PRH1: variants seen among roughly 807,000 people sequenced by gnomAD.
PRH1 encodes salivary acidic proline-rich phosphoprotein 1/2.
A neutral mutation model predicts 7.9 loss-of-function variants in PRH1; 7 were observed. The observed-to-expected ratio is 0.89, with a 90% CI of 0.50 to 1.67. The LOEUF is 1.67. Ranked by LOEUF, PRH1 falls within the 40% of genes most tolerant of loss-of-function variation. PRH1 has a pLI of 0.00. For missense variants in PRH1, 109 were observed against 223.6 expected (o/e 0.49, Z 3.27); for synonymous variants, 45 against 80.8 (o/e 0.56, Z 2.38).
At chr12:11,120,698 G>A (rs1945873491), downstream of PRH1, 1 of 152,004 alleles carries the variant, frequency 6.6e-6, no homozygotes, top group Non-Finnish European at 1.5e-5. Flanking sequence ...AGTATCTGTG[G>A]GAGGTTTGGT....
chr12:11,136,749 G>T (rs145193774), intron 1 of PRH1, among the ~76,000 whole-genome samples: 19 of 151,750 alleles, frequency 1.3e-4, no homozygotes, highest in African/African-American at 4.6e-4. Flanking sequence ...CTCTTTATTG[G>T]CCAGGCAGGG....
At chr12:11,136,401 T>C (rs1268326617) in intron 1 of PRH1, among the ~76,000 whole-genome samples, 1 of 152,226 alleles carries the variant, frequency 6.6e-6, no homozygotes, top group Non-Finnish European at 1.5e-5. Flanking sequence ...GGTCTGCTTC[T>C]TTTTTGAAGT....
rs79215979 is a variant in PRH1, at chr12:11,073,283, T to G, written n.124-26095A>C. On this transcript the variant is annotated intron_variant and non_coding_transcript_variant, in intron 1 of 4. Transcript: ENST00000541977. ...ACTAGCTGTATTTACAGCCATGTGC[T>G]ACCATGCCTGGCAATTTTTTTTTTT... 1.2e-4 allele frequency among the ~76,000 whole-genome samples: 11 copies of G among 93,538 alleles called. 2 individuals carry two copies. Among genetic ancestry groups the G allele is most frequent in the Non-Finnish European group, 5.0e-5 (2 of 39,794 alleles). The allele number at this position is 93,538 out of a possible 152,430, so 61.4% of individuals were successfully genotyped here. A position where few individuals can be genotyped will look rare whatever the true frequency, so the allele number is the denominator to read the frequency against.
chr12:11,130,143 C>T (rs1946288460), intron 1 of PRH1, among the ~76,000 whole-genome samples: 1 of 152,112 alleles, frequency 6.6e-6, no homozygotes, highest in South Asian at 2.1e-4. Flanking sequence ...AGAAAGAGAC[C>T]GTGTCTCAAA....
intron 1 of PRH1, chr12:11,133,516 C>CATAACAGAA: frequency 6.2e-7 from 1 of 1,614,094 alleles, no homozygotes; most frequent in Non-Finnish European, 8.5e-7. Context: ...TGATCATGGA[C>CATAACAGAA]AGAAAGTAAA....
chr12:11,112,081 C>G (rs908747604), intron 1 of PRH1, among the ~76,000 whole-genome samples: 5 of 152,294 alleles, frequency 3.3e-5, no homozygotes, highest in African/African-American at 9.6e-5. Flanking sequence ...TGGACACATA[C>G]AACATCCCAA....
intron 1 of PRH1, among the ~76,000 whole-genome samples, chr12:11,060,300 T>A (rs1294714864): frequency 6.6e-6 from 1 of 152,122 alleles, no homozygotes; most frequent in Non-Finnish European, 1.5e-5. Flanking sequence ...AACATAGATT[T>A]CATAGATGCC....
chr12:10,885,259 C>T (rs180737726), upstream of PRH1, among the ~76,000 whole-genome samples: 3 of 152,322 alleles, frequency 2.0e-5, no homozygotes, highest in Admixed American at 2.0e-4. Flanking sequence ...CCTGTTTCAT[C>T]AGAGTGTTCT....
intron 1 of PRH1, among the ~76,000 whole-genome samples, chr12:11,058,446 GCTCTCT>G (rs1943453288): frequency 6.6e-6 from 1 of 152,248 alleles, no homozygotes; most frequent in Non-Finnish European, 1.5e-5. Flanking sequence ...ACGGCATGTT[GCTCTCT>G]CTCTATATTT....
At position 11,087,801 on chromosome 12, in the gene PRH1, A is replaced by G. The variant is rs150426502; in HGVS notation, n.124-40613T>C. Among the ~76,000 whole-genome samples, 20 of 115,568 alleles carry G rather than the reference A, an allele frequency of 1.7e-4. 4 individuals carry two copies. The highest frequency in any genetic ancestry group is 5.8e-4 in the African/African-American group (20 of 34,438). The allele number at this position is 115,568 out of a possible 152,430, so 75.8% of individuals were successfully genotyped here. ...AATGCAGACTACCATGAACTTAAAT[A>G]AACACTCACAAATGCTTTCCAGGAT... On this transcript the variant is annotated intron_variant and non_coding_transcript_variant, in intron 1 of 4. Coordinates refer to the PRH1 transcript ENST00000541977.
At chr12:11,054,589 T>C (rs541498344) in intron 1 of PRH1, among the ~76,000 whole-genome samples, 1 of 152,124 alleles carries the variant, frequency 6.6e-6, no homozygotes, top group Non-Finnish European at 1.5e-5. Context: ...ATGCATGGTA[T>C]AATCTTTGAA....
intron 2 of PRH1, among the ~76,000 whole-genome samples, chr12:10,956,076 A>G (rs989776584): frequency 6.6e-6 from 1 of 152,204 alleles, no homozygotes; most frequent in Non-Finnish European, 1.5e-5. Context: ...ACGCTAACTC[A>G]TTCTACAAGG....
intron 1 of PRH1, among the ~76,000 whole-genome samples, chr12:11,130,697 TCAGTGTAAGAC>T (rs748063809): frequency 1.6e-4 from 24 of 152,116 alleles, no homozygotes; most frequent in African/African-American, 1.9e-4. Flanking sequence ...CCCTATGGAA[TCAGTGTAAGAC>T]CAGTGTAAGA....
chr12:11,014,095 C>T (rs888464131), intron 1 of PRH1, among the ~76,000 whole-genome samples: 3 of 152,108 alleles, frequency 2.0e-5, no homozygotes. Flanking sequence ...GTGCTATATG[C>T]CAACATGCGT....
intron 1 of PRH1, among the ~76,000 whole-genome samples, chr12:11,088,104 G>A (rs1405972616): frequency 1.5e-5 from 2 of 132,352 alleles, no homozygotes; most frequent in Admixed American, 7.6e-5. Flanking sequence ...ATTTTAGGAG[G>A]CCGACACGGG....
chr12:11,161,706 C>T (rs1947419986), intron 1 of PRH1, among the ~76,000 whole-genome samples: 1 of 151,682 alleles, frequency 6.6e-6, no homozygotes, highest in Admixed American at 6.6e-5. Flanking sequence ...TATCAAACAG[C>T]AATAAGTGAG....
At chr12:11,009,501 G>A (rs1047036887) in intron 1 of PRH1, among the ~76,000 whole-genome samples, 1 of 151,860 alleles carries the variant, frequency 6.6e-6, no homozygotes, top group African/African-American at 2.4e-5. Flanking sequence ...TAATCCTCCA[G>A]AACTCCAGAA....
chr12:10,939,316 C>A, intron 2 of PRH1: 1 of 654,992 alleles, frequency 1.5e-6, no homozygotes. Flanking sequence ...TAATATATTC[C>A]CTTTAAAAAG....
intron 2 of PRH1, chr12:10,930,526 C>A (rs1387332786): frequency 6.6e-7 from 1 of 1,506,160 alleles, no homozygotes; most frequent in East Asian, 2.3e-5. Flanking sequence ...ATTAGGAAGC[C>A]TTGGGAAGGG....
Sources: allele counts gnomAD v4.1 joint callset (sites outside exome capture counted in the v4.1 genomes callset), GRCh38; gene constraint gnomAD v4.1.1; transcripts MANE v1.5; gene names NCBI Gene and HGNC (gene_info 2026-07-23, HGNC 2026-07-21).